The following CRYBG1 variants were observed in gnomAD, a reference collection of about 807,000 sequenced individuals.
CRYBG1 encodes the protein beta/gamma crystallin domain-containing protein 1.
Under a neutral mutation model 189.2 loss-of-function variants are expected in CRYBG1, and 139 were observed. The observed-to-expected ratio is 0.73, with a 90% CI of 0.64 to 0.85. The LOEUF is 0.85. Among genes scored for constraint, CRYBG1 ranks in the 40% least tolerant of loss-of-function variants. The probability of loss-of-function intolerance (pLI) is 0.00; values close to 1 mark genes in which losing one functional copy is unlikely to be tolerated. For synonymous variants in CRYBG1, 1,023 were observed against 1,017.1 expected (o/e 1.01, Z -0.11); for missense variants, 2,611 against 2,675.8 (o/e 0.98, Z 0.53).
At chr6:106,385,922 C>A (rs923257089) in intron 1 of CRYBG1, among the ~76,000 whole-genome samples, 3 of 151,952 alleles carry the variant, frequency 2.0e-5, no homozygotes, top group Non-Finnish European at 2.9e-5. Flanking sequence ...CAGTGCAGGC[C>A]CATTTGATGA....
chr6:106,566,887 C>A (rs137867874), intron 21 of CRYBG1, among the ~76,000 whole-genome samples: 1 of 152,284 alleles, frequency 6.6e-6, no homozygotes, highest in East Asian at 1.9e-4. Flanking sequence ...TGTCTTCTAG[C>A]TCATCTTCTT....
Position 106,565,477 on chromosome 6 carries a change from G to C in CRYBG1, c.6301+1551G>C, listed in dbSNP as rs1453445372. On this transcript the variant is annotated intron_variant, in intron 21 of 21. Coordinates refer to ENST00000633556, the MANE Select transcript of CRYBG1 (RefSeq NM_001371242.2). ...GCTGTCACTTCTGAATGATCTCCAG[G>C]TAGGTAGCTTGGCCAACCCACTTAA... Among the ~76,000 whole-genome samples the C allele has an allele frequency of 2.0e-5, 3 of 152,152 alleles. No individual in the cohort carries two copies. In the South Asian group the frequency reaches 6.2e-4, roughly 32 times the overall value.
chr6:106,555,666 T>G, intron 16 of CRYBG1, 102 bp from the exon 17 acceptor site: 3 of 1,335,310 alleles, frequency 2.2e-6, no homozygotes, highest in Non-Finnish European at 3.1e-6. Context: ...GCCAGAAGCA[T>G]TGTGTTTATT....
intron 1 of CRYBG1, among the ~76,000 whole-genome samples, chr6:106,432,516 C>CG (rs34185562): frequency 0.53 from 79,844 of 151,968 alleles, 21,669 homozygotes; most frequent in East Asian, 0.83. Flanking sequence ...ACCTACCCCC[C>CG]AGGGAGTTAA....
At chr6:106,367,262 G>C (rs188700021) in intron 1 of CRYBG1, among the ~76,000 whole-genome samples, 313 of 152,226 alleles carry the variant, frequency 2.1e-3, no homozygotes, top group Non-Finnish European at 2.7e-3. Flanking sequence ...CGAAACTTGA[G>C]TTCACTTCTT....
chr6:106,466,122 A>G (rs975819257), intron 2 of CRYBG1, among the ~76,000 whole-genome samples: 1 of 152,180 alleles, frequency 6.6e-6, no homozygotes, highest in African/African-American at 2.4e-5. Context: ...TGTCTTCTCT[A>G]CCTTCATATT....
At chr6:106,559,694 G>A (rs1774652843) in intron 18 of CRYBG1, among the ~76,000 whole-genome samples, 1 of 152,116 alleles carries the variant, frequency 6.6e-6, no homozygotes, top group Non-Finnish European at 1.5e-5. Flanking sequence ...GCTGAGGCAG[G>A]AGAATCACTT....
chr6:106,386,414 T>G lies in CRYBG1; in HGVS notation c.173+25333T>G, dbSNP rs1259900996. On this transcript the variant is annotated intron_variant, in intron 1 of 21. Transcript: ENST00000633556. ...AATAATGGATAGGCTGTGTGTGGACTAAAATAAGTGTCAGATTCTGACTTA... is the reference window on the plus strand; with the variant it reads ...AATAATGGATAGGCTGTGTGTGGACGAAAATAAGTGTCAGATTCTGACTTA... Among the ~76,000 whole-genome samples the G allele has an allele frequency of 2.6e-5, 4 of 152,220 alleles. No individual in the cohort carries two copies. The East Asian group carries it at 7.7e-4, about 29-fold the overall frequency.
chr6:106,440,681 G>A (rs1196814744), intron 1 of CRYBG1, among the ~76,000 whole-genome samples: 3 of 152,208 alleles, frequency 2.0e-5, no homozygotes, highest in Non-Finnish European at 4.4e-5. Context: ...TTTGTGTGAC[G>A]GAAAGGGAAA....
rs1276373715 is a variant in CRYBG1 at position 106,512,102 on chromosome 6, C to T, written c.985C>T (p.Arg329Cys). Residue 329 changes from arginine (R) to cysteine (C), a missense_variant, in exon 3 of 22, where the codon CGC becomes TGC. Arg to Cys is a radical substitution (Grantham distance 180). This residue lies in a region of CRYBG1 where 985 missense variants were observed against 924.4 expected (regional missense o/e 1.07). Transcript: ENST00000633556. Reference sequence around the variant, plus strand: ...TGCCGAAGAAGGCTCCCTGGGGCCCCGCAACGCCCGCAGCCAGCCCCCCAA... The same window carrying T: ...TGCCGAAGAAGGCTCCCTGGGGCCCTGCAACGCCCGCAGCCAGCCCCCCAA... ...VCAEEGSLGP[R>C]NARSQPPKGA... is the part of the protein sequence containing the mutation. The T allele has an allele frequency of 2.0e-6, 3 of 1,534,462 alleles. No individual in the cohort carries two copies. The highest frequency in any genetic ancestry group is 1.2e-5 in the South Asian group (1 of 83,932).
chr6:106,533,854 G>A (rs13197786), intron 8 of CRYBG1, among the ~76,000 whole-genome samples: 103,871 of 151,970 alleles, frequency 0.68, 36,241 homozygotes, highest in South Asian at 0.84. Context: ...TGGAGTTCAG[G>A]GGAGAGGCTG....
rs1562289736 is a variant in CRYBG1 at position 106,375,401 on chromosome 6, GTAAGTAAGTAAGTAAGTAAGTAAA to G, written c.173+14324_173+14347del. On this transcript the variant is annotated intron_variant, in intron 1 of 21. Transcript: ENST00000633556. The stretch of plus-strand genomic sequence containing the variant: ...GCCCTGTCTTTAAGTAAGTAAGTAA[GTAAGTAAGTAAGTAAGTAAGTAAA>G]TAAATAAATAAATAAATAAATAAAA... 1.0e-4 allele frequency among the ~76,000 whole-genome samples: 14 copies of G among 133,990 alleles called. No individual in the cohort carries two copies. The South Asian group carries it at 3.3e-3, about 31-fold the overall frequency. The allele number at this position is 133,990 out of a possible 152,430, so 87.9% of individuals were successfully genotyped here.
chr6:106,391,274 G>C (rs1031336089), intron 1 of CRYBG1, among the ~76,000 whole-genome samples: 1 of 152,108 alleles, frequency 6.6e-6, no homozygotes, highest in Non-Finnish European at 1.5e-5. Context: ...TAGAGATGGG[G>C]TTTCACCATG....
Position 106,433,761 on chromosome 6 carries a change from A to G in CRYBG1, c.174-17933A>G, listed in dbSNP as rs1435587306. Among the ~76,000 whole-genome samples, 39 of 81,836 alleles carry G rather than the reference A, an allele frequency of 4.8e-4. 1 individual carries two copies. The highest frequency in any genetic ancestry group is 4.0e-4 in the East Asian group (1 of 2,530). The allele number at this position is 81,836 out of a possible 152,430, so 53.7% of individuals were successfully genotyped here. ...CATATATATGTATATATATATGTGTATATATATATATGTATATATATATAA... is the reference window on the plus strand; with the variant it reads ...CATATATATGTATATATATATGTGTGTATATATATATGTATATATATATAA... On this transcript the variant is annotated intron_variant, in intron 1 of 21. Coordinates refer to ENST00000633556, the MANE Select transcript of CRYBG1 (RefSeq NM_001371242.2).
intron 7 of CRYBG1, among the ~76,000 whole-genome samples, chr6:106,528,001 CTT>C (rs1296190755): frequency 1.3e-5 from 2 of 152,152 alleles, no homozygotes. Flanking sequence ...TTGTCAGAGT[CTT>C]TCTTTGTGGC....
Position 106,379,292 on chromosome 6 carries a change from C to G in CRYBG1, c.173+18211C>G, listed in dbSNP as rs185287957. On this transcript the variant is annotated intron_variant, in intron 1 of 21. Coordinates refer to ENST00000633556, the MANE Select transcript of CRYBG1 (RefSeq NM_001371242.2). ...TCTTTTTTTTTTCGAGACAGAGTCTCTCTCTGTTGCCCAGGCTGGAGTGCA... is the reference window on the plus strand; with the variant it reads ...TCTTTTTTTTTTCGAGACAGAGTCTGTCTCTGTTGCCCAGGCTGGAGTGCA... 3.1e-4 allele frequency among the ~76,000 whole-genome samples: 47 copies of G among 150,942 alleles called. 4 individuals carry two copies. The East Asian group carries it at 8.8e-3, about 28-fold the overall frequency.
intron 1 of CRYBG1, among the ~76,000 whole-genome samples, chr6:106,430,069 C>T (rs926489314): frequency 4.6e-5 from 7 of 152,080 alleles, no homozygotes; most frequent in African/African-American, 1.7e-4. Context: ...CTAATAAATG[C>T]TTAGAACAAC....
At chr6:106,458,773 C>A (rs1258803555) in intron 2 of CRYBG1, among the ~76,000 whole-genome samples, 1 of 152,122 alleles carries the variant, frequency 6.6e-6, no homozygotes, top group South Asian at 2.1e-4. Context: ...GAGCATGATA[C>A]CACCCTTCTC....
At chr6:106,409,066 A>G (rs1770877598) in intron 1 of CRYBG1, among the ~76,000 whole-genome samples, 1 of 152,062 alleles carries the variant, frequency 6.6e-6, no homozygotes, top group African/African-American at 2.4e-5. Context: ...TCAAATAGGA[A>G]GAGGGGAAGT....
Sources: allele counts gnomAD v4.1 joint callset (sites outside exome capture counted in the v4.1 genomes callset), GRCh38; gene constraint gnomAD v4.1.1; regional missense constraint gnomAD v4.1.1; transcripts MANE v1.5; gene names NCBI Gene and HGNC (gene_info 2026-07-23, HGNC 2026-07-21).